NOTCH3: variants seen among roughly 807,000 people sequenced by gnomAD.
The protein encoded by NOTCH3 is neurogenic locus notch homolog protein 3.
A neutral mutation model predicts 213.3 loss-of-function variants in NOTCH3; 86 were observed. The observed-to-expected ratio is 0.40, with a 90% CI of 0.34 to 0.48. The LOEUF is 0.48. NOTCH3 is among the 20% of genes least tolerant of loss of function. NOTCH3 has a pLI of 0.57. For synonymous variants in NOTCH3, 1,354 were observed against 1,355.9 expected, an observed-to-expected ratio of 1.00 and a Z score of 0.03; for missense variants, 2,783 against 3,272.6, an observed-to-expected ratio of 0.85 and a Z score of 3.65.
At chr19:15,192,748 C>A (rs2145444467) in intron 2 of NOTCH3, among the ~76,000 whole-genome samples, 1 of 152,248 alleles carries the variant, frequency 6.6e-6, no homozygotes, top group African/African-American at 2.4e-5. Context: ...AACCCCGTCT[C>A]TACTAAAAGT....
rs1484526003 is a variant in NOTCH3, at chr19:15,173,082, T to C, written c.4736+986A>G. ...TTCTTCTTCTTCTTCTTCTTCTTCT[T>C]CTTCTTCTTCTTCTTCTTCTTCTTT... is the stretch of plus-strand genomic sequence containing the variant. On this transcript the variant is annotated intron_variant, in intron 25 of 32. Coordinates refer to ENST00000263388, the MANE Select transcript of NOTCH3 (RefSeq NM_000435.3). Among the ~76,000 whole-genome samples, 12 of 45,594 alleles carry C rather than the reference T, an allele frequency of 2.6e-4. 3 individuals carry two copies. Among genetic ancestry groups the C allele is most frequent in the African/African-American group, 1.3e-3 (11 of 8,792 alleles). 29.9% of individuals were successfully genotyped at this position (45,594 alleles called of 152,430 possible).
rs1423601278 is a variant in NOTCH3 at position 15,181,451 on chromosome 19, A to G, written c.2792+125T>C. On this transcript the variant is annotated intron_variant, in intron 17 of 32. Transcript: ENST00000263388. ...CTTCCCTGGCCCTGCCCCATCAGTC[A>G]TCAGAGTCCGCAGTGGGTACCAAGC... 7 of 798,258 alleles carry G rather than the reference A, an allele frequency of 8.8e-6. No individual in the cohort carries two copies. The Admixed American group carries it at 9.4e-5, about 11-fold the overall frequency. 49.4% of individuals were successfully genotyped at this position (798,258 alleles called of 1,614,324 possible).
chr19:15,176,565 T>C (rs2046791341), intron 24 of NOTCH3, among the ~76,000 whole-genome samples: 1 of 151,692 alleles, frequency 6.6e-6, no homozygotes, highest in Non-Finnish European at 1.5e-5. Flanking sequence ...TGTTCAAGAC[T>C]AGCCTGGACA....
intron 16 of NOTCH3, among the ~76,000 whole-genome samples, chr19:15,184,033 G>A (rs2046860953): frequency 1.1e-5 from 1 of 90,772 alleles, no homozygotes; most frequent in Non-Finnish European, 1.9e-5. Flanking sequence ...CTAAGACTCT[G>A]TCTCAAAAAA....
rs1339687395 is a variant in NOTCH3, at chr19:15,170,148, G to A, written c.5137C>T (p.Leu1713=). 3.1e-6 allele frequency: 5 copies of A among 1,605,552 alleles called. No homozygotes were observed. The highest frequency in any genetic ancestry group is 1.3e-5 in the African/African-American group (1 of 74,972). The part of the protein sequence containing the change: ...GMKNMAKGES[L]MGEVATDWMD... The stretch of plus-strand genomic sequence containing the variant: ...CAGTCTGTGGCCACCTCCCCCATCA[G>A]GCTCTCACCCTTGGCCATGTTCCTG... The change falls in exon 28 of 33, where the codon CTG becomes TTG. Residue 1713 remains leucine, a synonymous_variant. Coordinates refer to ENST00000263388, the MANE Select transcript of NOTCH3 (RefSeq NM_000435.3).
chr19:15,187,887 C>T lies in NOTCH3; in HGVS notation c.1600G>A (p.Ala534Thr). Residue 534 changes from alanine to threonine, a missense_variant, in exon 10 of 33, where the codon GCC becomes ACC. Transcript: ENST00000263388. ...DQPDGYECRC[A>T]EGFEGTLCDR... ...TGTCATTGGCCCGCCTCACCCTCGG[C>T]ACAGCGGCACTCGTAGCCATCGGGC... 6.5e-7 allele frequency: 1 copy of T among 1,548,856 alleles called. No homozygotes were observed. The highest frequency in any genetic ancestry group is 1.2e-5 in the South Asian group (1 of 83,974).
chr19:15,166,299 C>T (rs1313772087), intron 29 of NOTCH3, among the ~76,000 whole-genome samples: 1 of 152,170 alleles, frequency 6.6e-6, no homozygotes, highest in Non-Finnish European at 1.5e-5. Context: ...GAACACAGGA[C>T]AAGGGACTCT....
At chr19:15,187,431 G>C (rs1232483900) in intron 10 of NOTCH3, 93 bp from the exon 11 acceptor site, 5 of 1,134,018 alleles carry the variant, frequency 4.4e-6, no homozygotes, top group Non-Finnish European at 6.3e-6. Context: ...TCTATCTGAG[G>C]CCCTGCCCAT....
rs1188569102 is a variant in NOTCH3 at position 15,181,002 on chromosome 19, G to C, written c.2953C>G (p.Arg985Gly). 1.3e-5 allele frequency: 21 copies of C among 1,597,868 alleles called. No homozygotes were observed. Among genetic ancestry groups the C allele is most frequent in the Non-Finnish European group, 1.8e-5 (21 of 1,173,340 alleles). Reference protein sequence around the residue: ...GVCSAAHPGFRCTCLESFTGP... With the variant: ...GVCSAAHPGFGCTCLESFTGP... ...GTGAAGCTCTCGAGGCAGGTGCAGCGGAAGCCAGGGTGGGCGGCGCTGCAG... is the reference window on the plus strand; with the variant it reads ...GTGAAGCTCTCGAGGCAGGTGCAGCCGAAGCCAGGGTGGGCGGCGCTGCAG... Residue 985 changes from arginine (R) to glycine (G), a missense_variant, in exon 18 of 33, where the codon CGC becomes GGC. Arg to Gly is a moderately radical substitution (Grantham distance 125, BLOSUM62 -2). Around this residue, in one of 6 missense-constraint regions of NOTCH3, gnomAD observed 861 missense variants for 909.1 expected, o/e 0.95. Coordinates refer to ENST00000263388, the MANE Select transcript of NOTCH3 (RefSeq NM_000435.3).
chr19:15,197,358 C>T lies in NOTCH3; in HGVS notation c.197+142G>A, dbSNP rs1363259023. 42 of 786,944 alleles carry T rather than the reference C, an allele frequency of 5.3e-5. 1 individual carries two copies. The Middle Eastern group carries it at 1.6e-3, about 29-fold the overall frequency. 48.7% of individuals were successfully genotyped at this position (786,944 alleles called of 1,614,324 possible). A position where few individuals can be genotyped will look rare whatever the true frequency, so the allele number is the denominator to read the frequency against. The stretch of plus-strand genomic sequence containing the variant: ...CTGCTCAGTTTCCAATGGGGAAACA[C>T]GAGAGGTTGCCCAAGCCACACACAT... On this transcript the variant is annotated intron_variant, in intron 2 of 32. Transcript: ENST00000263388.
chr19:15,189,421 C>A lies in NOTCH3; in HGVS notation c.1044G>T (p.Leu348=), dbSNP rs201033294. 4 of 1,613,776 alleles carry A rather than the reference C, an allele frequency of 2.5e-6. No individual in the cohort carries two copies. In the East Asian group the frequency reaches 8.9e-5, roughly 36 times the overall value. The change falls in exon 7 of 33, where the codon CTG becomes CTT. Residue 348 remains leucine (L), a synonymous_variant. Coordinates refer to ENST00000263388, the MANE Select transcript of NOTCH3 (RefSeq NM_000435.3). Reference sequence around the variant, plus strand: ...TGACACAGGCGTCATCCAGGTGACACAGGAGGCCTGGGAAGTGGTAAGCAG... The same window carrying A: ...TGACACAGGCGTCATCCAGGTGACAAAGGAGGCCTGGGAAGTGGTAAGCAG... ...CACPMGKTGL[L]CHLDDACVSN...
At chr19:15,181,239 T>A (rs1177644262) in intron 17 of NOTCH3, 77 bp from the exon 18 acceptor site, 19 of 1,352,720 alleles carry the variant, frequency 1.4e-5, no homozygotes, top group Non-Finnish European at 2.0e-5. Context: ...AGTCCCGCTG[T>A]TAGCGCTGGG....
intron 17 of NOTCH3, 82 bp from the exon 18 acceptor site, chr19:15,181,244 G>A: frequency 1.6e-6 from 2 of 1,280,194 alleles, no homozygotes; most frequent in East Asian, 2.5e-5. Flanking sequence ...CGCTGTTAGC[G>A]CTGGGGACGT....
intron 25 of NOTCH3, among the ~76,000 whole-genome samples, chr19:15,172,668 CTTT>C (rs762705777): frequency 5.0e-5 from 7 of 139,866 alleles, no homozygotes; most frequent in Non-Finnish European, 4.7e-5. Context: ...TTTTCTTTTT[CTTT>C]TTTTTTTTTT....
intron 20 of NOTCH3, among the ~76,000 whole-genome samples, chr19:15,179,825 G>A (rs1477293509): frequency 1.3e-5 from 2 of 152,040 alleles, no homozygotes; most frequent in East Asian, 3.9e-4. Context: ...AAAGGTTGCA[G>A]TGAGCTGAGA....
In NOTCH3 at chr19:15,200,835, A is replaced by C. The variant is rs1387194156; in HGVS notation, c.71T>G (p.Val24Gly). 1 of 1,181,710 alleles carries C rather than the reference A, an allele frequency of 8.5e-7. No individual in the cohort carries two copies. The highest frequency in any genetic ancestry group is 1.6e-5 in the African/African-American group (1 of 62,722). 73.2% of individuals were successfully genotyped at this position (1,181,710 alleles called of 1,614,324 possible). ...CAGCAGCAGCAGGGGCAGCGCCCGCACGGGTGGCGGTGGCGGTGGCGGCGA... is the reference window on the plus strand; with the variant it reads ...CAGCAGCAGCAGGGGCAGCGCCCGCCCGGGTGGCGGTGGCGGTGGCGGCGA... ...PMSPPPPPPP[V>G]RALPLLLLLA... The change falls in exon 1 of 33, where the codon GTG becomes GGG. Residue 24 changes from valine to glycine, a missense_variant. By Grantham distance (109) the Val-to-Gly change is moderately radical. Coordinates refer to ENST00000263388, the MANE Select transcript of NOTCH3 (RefSeq NM_000435.3).
intron 25 of NOTCH3, among the ~76,000 whole-genome samples, chr19:15,172,709 C>T (rs1017968219): frequency 2.0e-5 from 3 of 150,246 alleles, no homozygotes; most frequent in East Asian, 2.0e-4. Flanking sequence ...TCTGTTGCCC[C>T]GGCTGGAGTG....
intron 12 of NOTCH3, among the ~76,000 whole-genome samples, chr19:15,186,372 TTTTTGTATGTGTG>T (rs2046881005): frequency 8.5e-6 from 1 of 117,766 alleles, no homozygotes; most frequent in Non-Finnish European, 1.7e-5. Context: ...TTTTTGTTTG[TTTTTGTATGTGTG>T]TGTGTGTGTG....
intron 25 of NOTCH3, among the ~76,000 whole-genome samples, chr19:15,172,212 G>C (rs1179979351): frequency 6.6e-6 from 1 of 152,038 alleles, no homozygotes; most frequent in African/African-American, 2.4e-5. Flanking sequence ...TCTTTTTTGA[G>C]CTAATTCCAT....
Sources: gnomAD v4.1 joint callset for allele counts (sites outside exome capture counted in the v4.1 genomes callset) on GRCh38, gnomAD v4.1.1 for gene constraint, gnomAD v4.1.1 regional missense constraint, MANE v1.5 for transcripts, NCBI Gene and HGNC (gene_info 2026-07-23, HGNC 2026-07-21) for gene names.